Variants in KCNH8 observed in about 807,000 individuals in gnomAD.
KCNH8 encodes the protein voltage-gated delayed rectifier potassium channel KCNH8.
A neutral mutation model predicts 103.6 loss-of-function variants in KCNH8; 70 were observed. The observed-to-expected ratio is 0.68, with a 90% CI of 0.56 to 0.82. The LOEUF (loss-of-function observed/expected upper bound fraction) is 0.82. Ranked by LOEUF, KCNH8 falls within the 40% of genes least tolerant of loss-of-function variation. The pLI, the probability that KCNH8 is intolerant of heterozygous loss-of-function variation, is 0.00. For synonymous variants in KCNH8, 498 were observed against 489.4 expected (o/e 1.02, Z -0.23); for missense variants, 1,217 against 1,329.9 (o/e 0.92, Z 1.32).
chr3:19,420,192 C>A (rs948299222), intron 7 of KCNH8, among the ~76,000 whole-genome samples: 33 of 152,300 alleles, frequency 2.2e-4, no homozygotes, highest in Middle Eastern at 3.4e-3. Flanking sequence ...GCTACGGCTG[C>A]CACTGCTGCT....
At chr3:19,428,341 C>T (rs144383349) in intron 7 of KCNH8, among the ~76,000 whole-genome samples, 99 of 152,242 alleles carry the variant, frequency 6.5e-4, no homozygotes, top group African/African-American at 2.2e-3. Flanking sequence ...TTAATGACTT[C>T]GGTACCTCAT....
chr3:19,361,162 A>T (rs2065942169), intron 5 of KCNH8, among the ~76,000 whole-genome samples: 1 of 152,130 alleles, frequency 6.6e-6, no homozygotes, highest in Non-Finnish European at 1.5e-5. Context: ...ATAAATAAAT[A>T]ATAACAGGAG....
intron 15 of KCNH8, among the ~76,000 whole-genome samples, chr3:19,524,475 G>C (rs2069028280): frequency 6.6e-6 from 1 of 151,778 alleles, no homozygotes; most frequent in Non-Finnish European, 1.5e-5. Flanking sequence ...ATGTTTTGTA[G>C]AACTCCTTTT....
chr3:19,526,508 C>T (rs185047757), intron 15 of KCNH8, among the ~76,000 whole-genome samples: 2 of 152,066 alleles, frequency 1.3e-5, no homozygotes, highest in Admixed American at 1.3e-4. Flanking sequence ...ATTAGAAACT[C>T]ATACTTCTGT....
rs1276318375 is a variant in KCNH8 at position 19,356,075 on chromosome 3, G to A, written c.811+8110G>A. 3.3e-5 allele frequency among the ~76,000 whole-genome samples: 5 copies of A among 151,750 alleles called. No individual in the cohort carries two copies. The East Asian group carries it at 9.7e-4, about 29-fold the overall frequency. The stretch of plus-strand genomic sequence containing the variant: ...GGTGTTCATAGAACTACAAGATGAT[G>A]TTTTAAAAAATATTTTGGTATTCAC... On this transcript the variant is annotated intron_variant, in intron 5 of 15. Coordinates refer to ENST00000328405, the MANE Select transcript of KCNH8 (RefSeq NM_144633.3).
At chr3:19,305,422 G>T (rs1237307589) in intron 3 of KCNH8, among the ~76,000 whole-genome samples, 1 of 152,092 alleles carries the variant, frequency 6.6e-6, no homozygotes, top group African/African-American at 2.4e-5. Flanking sequence ...AGTGAAGACA[G>T]AATTCAAGAC....
chr3:19,219,241 C>T (rs1210509958), intron 1 of KCNH8, among the ~76,000 whole-genome samples: 1 of 152,134 alleles, frequency 6.6e-6, no homozygotes, highest in Non-Finnish European at 1.5e-5. Flanking sequence ...AATATGCCCT[C>T]CTCAGTAATG....
At chr3:19,531,070 C>T (rs909599158) in intron 15 of KCNH8, among the ~76,000 whole-genome samples, 1 of 152,166 alleles carries the variant, frequency 6.6e-6, no homozygotes, top group South Asian at 2.1e-4. Context: ...AAAATTCAAA[C>T]TTATTCTTCA....
At chr3:19,511,707 T>A (rs2068786294) in intron 12 of KCNH8, among the ~76,000 whole-genome samples, 1 of 152,098 alleles carries the variant, frequency 6.6e-6, no homozygotes, top group African/African-American at 2.4e-5. Flanking sequence ...CCCTCGTCAT[T>A]AATTAAAATA....
At chr3:19,383,551 T>G (rs1258946500) in intron 5 of KCNH8, among the ~76,000 whole-genome samples, 1 of 152,130 alleles carries the variant, frequency 6.6e-6, no homozygotes, top group Non-Finnish European at 1.5e-5. Context: ...TATGTATTTT[T>G]TAATAGAGAC....
chr3:19,188,460 C>CT (rs953735434), intron 1 of KCNH8, among the ~76,000 whole-genome samples: 40 of 152,094 alleles, frequency 2.6e-4, no homozygotes, highest in African/African-American at 9.6e-4. Context: ...TCCAATACAA[C>CT]TTTATTAACA....
intron 7 of KCNH8, among the ~76,000 whole-genome samples, chr3:19,436,024 G>A (rs1450561234): frequency 8.6e-5 from 13 of 152,030 alleles, no homozygotes; most frequent in Admixed American, 7.9e-4. Flanking sequence ...AAAATACTGG[G>A]TCCATGGTAA....
rs143150988 is a variant in KCNH8 at position 19,178,239 on chromosome 3, C to T, written c.76+29444C>T. Among the ~76,000 whole-genome samples, 526 of 151,908 alleles carry T rather than the reference C, an allele frequency of 3.5e-3. 23 individuals are homozygous for T. In the East Asian group the frequency reaches 0.082, roughly 24 times the overall value. On this transcript the variant is annotated intron_variant, in intron 1 of 15. Transcript: ENST00000328405. ...CCTGGAGATTTTTTTATTGCTCTAT[C>T]TTTGGAGAACAGAAATCATTAGTCA...
intron 1 of KCNH8, among the ~76,000 whole-genome samples, chr3:19,243,658 A>G (rs1189564631): frequency 2.0e-5 from 3 of 152,176 alleles, no homozygotes; most frequent in Non-Finnish European, 2.9e-5. Context: ...TGGGCATATT[A>G]ATTTGTATAT....
chr3:19,501,191 T>C (rs2068574801), intron 11 of KCNH8, among the ~76,000 whole-genome samples: 1 of 152,146 alleles, frequency 6.6e-6, no homozygotes, highest in African/African-American at 2.4e-5. Context: ...AATGGATAAA[T>C]TCCTCGACAC....
intron 1 of KCNH8, among the ~76,000 whole-genome samples, chr3:19,211,533 C>A (rs1457411364): frequency 6.6e-6 from 1 of 152,138 alleles, no homozygotes; most frequent in Non-Finnish European, 1.5e-5. Flanking sequence ...TAATGTTGAA[C>A]CATCAGTGAG....
chr3:19,398,816 A>C (rs1479107700), intron 7 of KCNH8, among the ~76,000 whole-genome samples: 2 of 152,064 alleles, frequency 1.3e-5, no homozygotes, highest in South Asian at 2.1e-4. Context: ...TATTATGACA[A>C]TTACTTCTAA....
At chr3:19,320,094 T>C (rs1196877359) in intron 3 of KCNH8, among the ~76,000 whole-genome samples, 1 of 152,056 alleles carries the variant, frequency 6.6e-6, no homozygotes, top group Non-Finnish European at 1.5e-5. Flanking sequence ...TACGTTCATG[T>C]CATCAGTAAA....
At position 19,481,555 on chromosome 3, in the gene KCNH8, C is replaced by T. The variant is rs569551318; in HGVS notation, c.2040+24573C>T. Among the ~76,000 whole-genome samples, 5 of 152,220 alleles carry T rather than the reference C, an allele frequency of 3.3e-5. No individual in the cohort carries two copies. In the East Asian group the frequency reaches 9.6e-4, roughly 29 times the overall value. On this transcript the variant is annotated intron_variant, in intron 11 of 15. Coordinates refer to ENST00000328405, the MANE Select transcript of KCNH8 (RefSeq NM_144633.3). ...CTGAGTCCTCTTCTAGATGTTAGAA[C>T]AAGAAAATTGGGGTCAATAAAGGTT...
Sources: gnomAD v4.1 joint callset for allele counts (sites outside exome capture counted in the v4.1 genomes callset) on GRCh38, gnomAD v4.1.1 for gene constraint, MANE v1.5 for transcripts, NCBI Gene and HGNC (gene_info 2026-07-23, HGNC 2026-07-21) for gene names.